NAV3: variants seen among roughly 807,000 people sequenced by gnomAD.
NAV3 encodes neuron navigator 3.
In NAV3, 87 loss-of-function variants were observed where a neutral mutation model predicts 244.7. The ratio of observed to expected loss-of-function variants is 0.36; its 90% CI spans 0.30 to 0.42. NAV3 has a LOEUF of 0.42. Among genes scored for constraint, NAV3 ranks in the 20% least tolerant of loss-of-function variants. The pLI is 1.00. For missense variants in NAV3, 2,663 were observed against 2,893.3 expected (o/e 0.92, Z 1.83); for synonymous variants, 1,126 against 1,042.2 (o/e 1.08, Z -1.55).
intron 1 of NAV3, among the ~76,000 whole-genome samples, chr12:77,848,522 G>T (rs1876996118): frequency 6.6e-6 from 1 of 152,162 alleles, no homozygotes; most frequent in Non-Finnish European, 1.5e-5. Flanking sequence ...AGAAGTCCTT[G>T]CTCCCTTCTA....
At chr12:78,133,624 G>A (rs1414692448) in intron 18 of NAV3, among the ~76,000 whole-genome samples, 1 of 151,820 alleles carries the variant, frequency 6.6e-6, no homozygotes, top group Non-Finnish European at 1.5e-5. Flanking sequence ...ACATATATTA[G>A]AAAATTAAGA....
At chr12:77,887,901 G>T (rs1720050872) in intron 1 of NAV3, among the ~76,000 whole-genome samples, 1 of 151,944 alleles carries the variant, frequency 6.6e-6, no homozygotes, top group Admixed American at 6.6e-5. Context: ...TCATGTTATT[G>T]TAATTATGCA....
chr12:78,194,667 T>A (rs1036703587), intron 34 of NAV3, among the ~76,000 whole-genome samples: 1 of 152,124 alleles, frequency 6.6e-6, no homozygotes, highest in Non-Finnish European at 1.5e-5. Context: ...CAAAAGGAGA[T>A]GTCCAGCGAT....
intron 2 of NAV3, among the ~76,000 whole-genome samples, chr12:77,745,988 T>TAAAAAAAA (rs35139297): frequency 9.3e-6 from 1 of 107,558 alleles, no homozygotes. Flanking sequence ...AGACTTAAGG[T>TAAAAAAAA]AAAAAAAAAA....
chr12:77,871,639 A>T (rs1880981512), intron 1 of NAV3, among the ~76,000 whole-genome samples: 1 of 152,178 alleles, frequency 6.6e-6, no homozygotes, highest in Non-Finnish European at 1.5e-5. Flanking sequence ...ATGGCTGCAT[A>T]GTATTCCATG....
At chr12:78,182,800 G>A (rs1958556206) in intron 30 of NAV3, among the ~76,000 whole-genome samples, 1 of 151,640 alleles carries the variant, frequency 6.6e-6, no homozygotes, top group African/African-American at 2.4e-5. Flanking sequence ...TGATACTTAT[G>A]TCTGAACTAA....
rs115362756 is a variant in NAV3 at position 78,048,391 on chromosome 12, G to A, written c.2024-1602G>A. Reference sequence around the variant, plus strand: ...TCTCTGATGTTTGTGACCTTCAAACGGGGTTTTTGTGTGGATGTCTTTTTT... The same window carrying A: ...TCTCTGATGTTTGTGACCTTCAAACAGGGTTTTTGTGTGGATGTCTTTTTT... On this transcript the variant is annotated intron_variant, in intron 9 of 39. Transcript: ENST00000397909. Among the ~76,000 whole-genome samples the A allele has an allele frequency of 6.3e-3, 960 of 152,186 alleles. 8 individuals carry two copies. The highest frequency in any genetic ancestry group is 0.021 in the African/African-American group (891 of 41,512).
intron 2 of NAV3, among the ~76,000 whole-genome samples, chr12:77,659,975 G>T (rs1163828406): frequency 7.1e-6 from 1 of 141,790 alleles, no homozygotes; most frequent in African/African-American, 2.6e-5. Context: ...AGGGGGAGGG[G>T]GGAGGGATAG....
At chr12:77,915,595 T>C (rs1887060061) in intron 1 of NAV3, among the ~76,000 whole-genome samples, 1 of 152,070 alleles carries the variant, frequency 6.6e-6, no homozygotes, top group Non-Finnish European at 1.5e-5. Flanking sequence ...ATATTTTTAA[T>C]GTAATTTTGC....
At chr12:77,951,509 G>A (rs374105881) in intron 3 of NAV3, among the ~76,000 whole-genome samples, 93 of 152,236 alleles carry the variant, frequency 6.1e-4, no homozygotes, top group African/African-American at 2.2e-3. Context: ...AAGACGGTGC[G>A]GCGGTTGCTC....
At chr12:77,880,913 C>A (rs1246258925) in intron 1 of NAV3, among the ~76,000 whole-genome samples, 4 of 152,004 alleles carry the variant, frequency 2.6e-5, no homozygotes, top group African/African-American at 9.7e-5. Context: ...TAGAACATAG[C>A]CCCATCATGA....
chr12:77,698,412 T>C, intron 2 of NAV3, among the ~76,000 whole-genome samples: 1 of 152,112 alleles, frequency 6.6e-6, no homozygotes, highest in East Asian at 1.9e-4. Context: ...TCAATGCAAA[T>C]AGAGCATCCA....
At chr12:77,622,689 G>GA (rs1405697249) in intron 2 of NAV3, among the ~76,000 whole-genome samples, 2 of 151,912 alleles carry the variant, frequency 1.3e-5, no homozygotes, top group Non-Finnish European at 2.9e-5. Context: ...TCCCGGTTTT[G>GA]ACACATTATA....
At chr12:77,711,981 C>G (rs1876139951) in intron 2 of NAV3, among the ~76,000 whole-genome samples, 1 of 152,116 alleles carries the variant, frequency 6.6e-6, no homozygotes, top group South Asian at 2.1e-4. Context: ...TTCTCAAAAC[C>G]CACAACTTCA....
chr12:78,080,498 T>G (rs2137814711), intron 12 of NAV3, among the ~76,000 whole-genome samples: 1 of 152,356 alleles, frequency 6.6e-6, no homozygotes, highest in South Asian at 2.1e-4. Context: ...CCAGAGATAC[T>G]TTTCCTACCC....
intron 2 of NAV3, among the ~76,000 whole-genome samples, chr12:77,646,417 G>A (rs1173101979): frequency 2.0e-5 from 3 of 152,132 alleles, no homozygotes; most frequent in Admixed American, 1.3e-4. Flanking sequence ...TTGTGTGACT[G>A]TGACCCAAAC....
chr12:77,832,658 A>T (rs1277727157), intron 1 of NAV3, among the ~76,000 whole-genome samples: 2 of 152,096 alleles, frequency 1.3e-5, no homozygotes, highest in Admixed American at 6.6e-5. Context: ...TTAGTTATTT[A>T]AAAATATAGA....
At chr12:77,725,297 A>G (rs776718199) in intron 2 of NAV3, among the ~76,000 whole-genome samples, 29 of 152,008 alleles carry the variant, frequency 1.9e-4, no homozygotes, top group Non-Finnish European at 3.1e-4. Flanking sequence ...TCTGTATCTC[A>G]GTGCTAAAAG....
At chr12:77,671,124 G>A (rs931271225) in intron 2 of NAV3, among the ~76,000 whole-genome samples, 1 of 151,966 alleles carries the variant, frequency 6.6e-6, no homozygotes, top group African/African-American at 2.4e-5. Flanking sequence ...ACAAATCATA[G>A]CTCCACTATA....
Sources: allele counts gnomAD v4.1 joint callset (sites outside exome capture counted in the v4.1 genomes callset), GRCh38; gene constraint gnomAD v4.1.1; transcripts MANE v1.5; gene names NCBI Gene and HGNC (gene_info 2026-07-23, HGNC 2026-07-21).